XKR8: variants seen among roughly 807,000 people sequenced by gnomAD.
The protein encoded by XKR8 is XK-related protein 8.
A neutral mutation model predicts 17.1 loss-of-function variants in XKR8; 10 were observed. The ratio of observed to expected loss-of-function variants is 0.59; its 90% confidence interval spans 0.36 to 0.99. The LOEUF (loss-of-function observed/expected upper bound fraction) is 0.99. XKR8 is among the 50% of genes least tolerant of loss of function. The pLI, the probability that XKR8 is intolerant of heterozygous loss-of-function variation, is 0.01. For missense variants in XKR8, 411 were observed against 515.6 expected (o/e 0.80, Z 1.96); for synonymous variants, 213 against 251.9 (o/e 0.85, Z 1.46).
Position 27,960,144 on chromosome 1 carries a change from C to T in XKR8, c.75C>T (p.Leu25=). 2 of 1,523,306 alleles carry T rather than the reference C, an allele frequency of 1.3e-6. No homozygotes were observed. The highest frequency in any genetic ancestry group is 1.2e-5 in the South Asian group (1 of 82,418). The allele number at this position is 1,523,306 out of a possible 1,614,324, so 94.4% of individuals were successfully genotyped here. A position where few individuals can be genotyped will look rare whatever the true frequency, so the allele number is the denominator to read the frequency against. Residue 25 remains leucine, a synonymous_variant, in exon 1 of 3, where the codon CTC becomes CTT. Transcript: ENST00000373884. The surrounding 1 kb of genome is among the most constrained non-coding windows in gnomAD (Gnocchi z 5.9). ...TGCTGGGCACCGCCGCCTTCCTGCT[C>T]GACCTGGGCACCGACCTGTGGGCCG... is the stretch of plus-strand genomic sequence containing the variant. ...LGVLGTAAFL[L]DLGTDLWAAV...
Position 27,966,976 on chromosome 1 carries a change from G to T in XKR8, c.964G>T (p.Val322Leu), listed in dbSNP as rs766542323. The T allele has an allele frequency of 6.2e-7, 1 of 1,614,196 alleles. No individual in the cohort carries two copies. The highest frequency in any genetic ancestry group is 8.5e-7 in the Non-Finnish European group (1 of 1,180,036). ...GATTCCACTGCAGCTGTGGCTGCCT[G>T]TGGGATGCGGCTGCTTCTTTCTGGG... ...SGIPLQLWLP[V>L]GCGCFFLGLA... The change falls in exon 3 of 3, where the codon GTG (valine) becomes TTG (leucine). Residue 322 changes from valine (V) to leucine (L), a missense_variant. Val to Leu is a conservative substitution (Grantham distance 32). Coordinates refer to ENST00000373884, the MANE Select transcript of XKR8 (RefSeq NM_018053.4). The surrounding 1 kb of genome is among the most constrained non-coding windows in gnomAD (Gnocchi z 4.3).
At position 27,966,773 on chromosome 1, in the gene XKR8, A is replaced by G; in HGVS notation, c.761A>G (p.Asp254Gly). Residue 254 changes from aspartate to glycine, a missense_variant, in exon 3 of 3, where the codon GAC becomes GGC. By Grantham distance (94) the Asp-to-Gly change is moderately conservative. Transcript: ENST00000373884. The surrounding 1 kb of genome is among the most constrained non-coding windows in gnomAD (Gnocchi z 4.3). Reference protein sequence around the residue: ...VWLQGTDFMPDPSSEWLYRVT... With the variant: ...VWLQGTDFMPGPSSEWLYRVT... ...CTTCAGGGCACAGACTTCATGCCGG[A>G]CCCCAGCTCCGAGTGGCTGTACCGG... The G allele has an allele frequency of 6.2e-7, 1 of 1,613,412 alleles. No homozygotes were observed. The highest frequency in any genetic ancestry group is 2.2e-5 in the East Asian group (1 of 44,860).
At position 27,965,854 on chromosome 1, in the gene XKR8, C is replaced by T. The variant is rs1313964708; in HGVS notation, c.491-649C>T. ...CCATCCCTCCCTGGAGGCCCTTGTGCTTCTGCTCCAGGATTGGCAACCAGG... is the reference window on the plus strand; with the variant it reads ...CCATCCCTCCCTGGAGGCCCTTGTGTTTCTGCTCCAGGATTGGCAACCAGG... On this transcript the variant is annotated intron_variant, in intron 2 of 2. Coordinates refer to ENST00000373884, the MANE Select transcript of XKR8 (RefSeq NM_018053.4). This position sits in a 1 kb window ranked among gnomAD's most constrained non-coding sequence, Gnocchi z 4.1. Among the ~76,000 whole-genome samples the T allele has an allele frequency of 1.3e-5, 2 of 152,124 alleles. No homozygotes were observed. Among genetic ancestry groups the T allele is most frequent in the African/African-American group, 4.8e-5 (2 of 41,426 alleles).
intron 1 of XKR8, among the ~76,000 whole-genome samples, chr1:27,962,874 C>T (rs970785580): frequency 1.3e-5 from 2 of 151,502 alleles, no homozygotes; most frequent in Non-Finnish European, 3.0e-5. Context: ...ATTACAGGCG[C>T]GAGCCACTGC....
chr1:27,963,263 G>A (rs1251821389), intron 1 of XKR8, among the ~76,000 whole-genome samples: 6 of 152,278 alleles, frequency 3.9e-5, no homozygotes, highest in African/African-American at 1.4e-4. Flanking sequence ...CTCGTGATCA[G>A]CCCGCCTCAG....
rs369251312 is a variant in XKR8, at chr1:27,966,918, C to G, written c.906C>G (p.Thr302=). ...GTGACAGCATTCTCCTGGTGGCCAC[C>G]TGGGTGACTCATAGCTCCTGGCTGC... The part of the protein sequence containing the change: ...LLSDSILLVA[T]WVTHSSWLPS... The change falls in exon 3 of 3, where the codon ACC becomes ACG. Residue 302 remains threonine, a synonymous_variant. Transcript: ENST00000373884. This position sits in a 1 kb window ranked among gnomAD's most constrained non-coding sequence, Gnocchi z 4.3. 2 of 1,614,218 alleles carry G rather than the reference C, an allele frequency of 1.2e-6. No homozygotes were observed. Among genetic ancestry groups the G allele is most frequent in the Non-Finnish European group, 1.7e-6 (2 of 1,180,038 alleles).
chr1:27,960,201 G>A lies in XKR8; in HGVS notation c.132G>A (p.Leu44=), dbSNP rs1449930381. The A allele has an allele frequency of 2.6e-6, 4 of 1,526,708 alleles. No homozygotes were observed. In the Admixed American group the frequency reaches 7.9e-5, roughly 30 times the overall value. The allele number at this position is 1,526,708 out of a possible 1,614,324, so 94.6% of individuals were successfully genotyped here. A position where few individuals can be genotyped will look rare whatever the true frequency, so the allele number is the denominator to read the frequency against. Residue 44 remains leucine, a synonymous_variant, in exon 1 of 3, where the codon CTG becomes CTA. Transcript: ENST00000373884. This position sits in a 1 kb window ranked among gnomAD's most constrained non-coding sequence, Gnocchi z 5.9. ...AGTATGCGCTCGGCGGCCGCTACCT[G>A]TGGGCGGCGCTGGTGCTGGCGCTGC... ...AVQYALGGRY[L]WAALVLALLG... is the part of the protein sequence containing the mutation.
intron 2 of XKR8, among the ~76,000 whole-genome samples, chr1:27,964,637 A>G (rs1168738917): frequency 6.6e-6 from 1 of 152,176 alleles, no homozygotes; most frequent in Non-Finnish European, 1.5e-5. Context: ...GACTAAAACA[A>G]GTAGCTACGG....
chr1:27,966,390 G>T lies in XKR8; in HGVS notation c.491-113G>T. On this transcript the variant is annotated intron_variant, in intron 2 of 2. Transcript: ENST00000373884. The surrounding 1 kb of genome is among the most constrained non-coding windows in gnomAD (Gnocchi z 4.3). ...GCAGATTTGCCTTCAACAAACGAGGGATTCTAATACCTACCCCAGGGTTGC... is the reference window on the plus strand; with the variant it reads ...GCAGATTTGCCTTCAACAAACGAGGTATTCTAATACCTACCCCAGGGTTGC... 1 of 1,046,364 alleles carries T rather than the reference G, an allele frequency of 9.6e-7. No individual in the cohort carries two copies. Among genetic ancestry groups the T allele is most frequent in the South Asian group, 1.6e-5 (1 of 62,286 alleles). 64.8% of individuals were successfully genotyped at this position (1,046,364 alleles called of 1,614,324 possible).
intron 1 of XKR8, among the ~76,000 whole-genome samples, chr1:27,963,001 A>G (rs561317325): frequency 1.3e-5 from 2 of 152,306 alleles, no homozygotes; most frequent in African/African-American, 4.8e-5. Context: ...CAGCGGGAGT[A>G]GAAGGTGTAT....
Position 27,966,780 on chromosome 1 carries a change from C to T in XKR8, c.768C>T (p.Ser256=), listed in dbSNP as rs1638581062. ...GCACAGACTTCATGCCGGACCCCAG[C>T]TCCGAGTGGCTGTACCGGGTGACGG... ...LQGTDFMPDP[S]SEWLYRVTVA... is the part of the protein sequence containing the mutation. Residue 256 remains serine, a synonymous_variant, in exon 3 of 3, where the codon AGC becomes AGT. Transcript: ENST00000373884. The surrounding 1 kb of genome is among the most constrained non-coding windows in gnomAD (Gnocchi z 4.3). The T allele has an allele frequency of 6.2e-7, 1 of 1,613,936 alleles. No homozygotes were observed. The highest frequency in any genetic ancestry group is 1.7e-5 in the Admixed American group (1 of 60,026).
rs367561064 is a variant in XKR8, at chr1:27,966,536, C to T, written c.524C>T (p.Ser175Leu). ...ATCTGCACATCCTTCCTGGGCATCT[C>T]GTGGGCACTGCTCGACTACCACCGG... ...VGICTSFLGI[S>L]WALLDYHRAL... is the part of the protein sequence containing the mutation. Residue 175 changes from serine to leucine, a missense_variant, in exon 3 of 3, where the codon TCG becomes TTG. Physicochemically the swap from Ser to Leu is moderately radical, Grantham distance 145. Coordinates refer to ENST00000373884, the MANE Select transcript of XKR8 (RefSeq NM_018053.4). The surrounding 1 kb of genome is among the most constrained non-coding windows in gnomAD (Gnocchi z 4.3). 31 of 1,613,710 alleles carry T rather than the reference C, an allele frequency of 1.9e-5. No homozygotes were observed. Among genetic ancestry groups the T allele is most frequent in the Middle Eastern group, 1.6e-4 (1 of 6,080 alleles).
Position 27,967,831 on chromosome 1 carries a change from CCA to C in XKR8, c.*632_*633del. 1 of 152,846 alleles carries C rather than the reference CCA, an allele frequency of 6.5e-6. No homozygotes were observed. The highest frequency in any genetic ancestry group is 3.4e-3 in the Middle Eastern group (1 of 296). 9.5% of individuals were successfully genotyped at this position (152,846 alleles called of 1,614,324 possible). A position where few individuals can be genotyped will look rare whatever the true frequency, so the allele number is the denominator to read the frequency against. On this transcript the variant is annotated 3_prime_UTR_variant, in exon 3 of 3. Coordinates refer to ENST00000373884, the MANE Select transcript of XKR8 (RefSeq NM_018053.4). The surrounding 1 kb of genome is among the most constrained non-coding windows in gnomAD (Gnocchi z 4.3). The stretch of plus-strand genomic sequence containing the variant: ...CAGGGATGCCCAACTCTGGGTGGCC[CCA>C]GTCAGAACCTCTGGGATCTCAGTGA...
rs562255421 is a variant in XKR8, at chr1:27,962,085, T to C, written c.294-1412T>C. Among the ~76,000 whole-genome samples the C allele has an allele frequency of 3.3e-5, 5 of 152,306 alleles. No homozygotes were observed. In the East Asian group the frequency reaches 9.7e-4, roughly 29 times the overall value. ...GGGCAAGGCAGAGTCTGATTCCATC[T>C]GGCCTGTGCCCAGAAGTGCCCAAGA... is the stretch of plus-strand genomic sequence containing the variant. On this transcript the variant is annotated intron_variant, in intron 1 of 2. Transcript: ENST00000373884.
At position 27,960,288 on chromosome 1, in the gene XKR8, C is replaced by A. The variant is rs1426229187; in HGVS notation, c.219C>A (p.Ala73=). The A allele has an allele frequency of 6.7e-6, 10 of 1,492,474 alleles. No homozygotes were observed. Among genetic ancestry groups the A allele is most frequent in the African/African-American group, 1.4e-5 (1 of 69,310 alleles). 92.5% of individuals were successfully genotyped at this position (1,492,474 alleles called of 1,614,324 possible). A position where few individuals can be genotyped will look rare whatever the true frequency, so the allele number is the denominator to read the frequency against. ...GGCTCTGGCTGCGCGCTGACCCTGCCGGCCTGCACGGGTCGCAGCCCCCGC... is the reference window on the plus strand; with the variant it reads ...GGCTCTGGCTGCGCGCTGACCCTGCAGGCCTGCACGGGTCGCAGCCCCCGC... The part of the protein sequence containing the change: ...FSWLWLRADP[A]GLHGSQPPRR... Residue 73 remains alanine, a synonymous_variant, in exon 1 of 3, where the codon GCC becomes GCA. Coordinates refer to ENST00000373884, the MANE Select transcript of XKR8 (RefSeq NM_018053.4). The surrounding 1 kb of genome is among the most constrained non-coding windows in gnomAD (Gnocchi z 5.9).
rs1176367432 is a variant in XKR8, at chr1:27,963,496, G to T, written c.294-1G>T. On this transcript the variant is annotated splice_acceptor_variant, in intron 1 of 2. Coordinates refer to ENST00000373884, the MANE Select transcript of XKR8 (RefSeq NM_018053.4). LOFTEE classifies it high-confidence loss of function. ...TCTGGGCATTTGTGTGTGGTGCCTA[G>T]GTGCGTGCAGGAGCTGCGGCAGGGG... The T allele has an allele frequency of 1.2e-6, 2 of 1,607,572 alleles. No individual in the cohort carries two copies. The highest frequency in any genetic ancestry group is 1.1e-5 in the South Asian group (1 of 89,970).
rs4357550 is a variant in XKR8 at position 27,965,265 on chromosome 1, T to C, written c.491-1238T>C. Among the ~76,000 whole-genome samples, 142,835 of 152,130 alleles carry C rather than the reference T, an allele frequency of 0.94. 67,466 individuals are homozygous for C. Among genetic ancestry groups the C allele is most frequent in the East Asian group, 1 (5,163 of 5,164 alleles). On this transcript the variant is annotated intron_variant, in intron 2 of 2. Coordinates refer to ENST00000373884, the MANE Select transcript of XKR8 (RefSeq NM_018053.4). The surrounding 1 kb of genome is among the most constrained non-coding windows in gnomAD (Gnocchi z 4.1). ...GGCCAAGTGCAGACAGTCTGCACTGTGAGTGTGGCAGGGGGTAAGGGGGCG... is the reference window on the plus strand; with the variant it reads ...GGCCAAGTGCAGACAGTCTGCACTGCGAGTGTGGCAGGGGGTAAGGGGGCG...
rs116559311 is a variant in XKR8, at chr1:27,960,850, C to T, written c.293+488C>T. 3.5e-3 allele frequency among the ~76,000 whole-genome samples: 526 copies of T among 152,356 alleles called. 3 individuals are homozygous for T. The highest frequency in any genetic ancestry group is 0.012 in the African/African-American group (503 of 41,584). ...GGACTCAGTTCAGCATCCCATGTTTCAGCATGGGCAGGGCCTTGGGAAGTC... is the reference window on the plus strand; with the variant it reads ...GGACTCAGTTCAGCATCCCATGTTTTAGCATGGGCAGGGCCTTGGGAAGTC... On this transcript the variant is annotated intron_variant, in intron 1 of 2. Transcript: ENST00000373884. This position sits in a 1 kb window ranked among gnomAD's most constrained non-coding sequence, Gnocchi z 5.9.
chr1:27,960,374 GC>G lies in XKR8; in HGVS notation c.293+16del. The stretch of plus-strand genomic sequence containing the variant: ...GGTTACCTGTACAGGTGAGTGCTTC[GC>G]CCCGGGAGGGGAGGAGTGTCGGAGC... On this transcript the variant is annotated intron_variant, in intron 1 of 2. Transcript: ENST00000373884. This position sits in a 1 kb window ranked among gnomAD's most constrained non-coding sequence, Gnocchi z 5.9. 7.3e-7 allele frequency: 1 copy of G among 1,363,160 alleles called. No homozygotes were observed. Among genetic ancestry groups the G allele is most frequent in the South Asian group, 1.8e-5 (1 of 57,114 alleles). 84.4% of individuals were successfully genotyped at this position (1,363,160 alleles called of 1,614,324 possible).
Sources: allele counts gnomAD v4.1 joint callset (sites outside exome capture counted in the v4.1 genomes callset), GRCh38; gene constraint gnomAD v4.1.1; non-coding constraint Gnocchi (gnomAD v3.1); transcripts MANE v1.5; gene names NCBI Gene and HGNC (gene_info 2026-07-23, HGNC 2026-07-21).